The following DAP3 variants were observed in gnomAD, a reference collection of about 807,000 sequenced individuals.
DAP3 encodes the protein small ribosomal subunit protein mS29.
In DAP3, 28 loss-of-function variants were observed where a neutral mutation model predicts 51.9. The observed-to-expected ratio is 0.54, with a 90% CI of 0.40 to 0.74. The LOEUF (loss-of-function observed/expected upper bound fraction) is 0.74, where lower values mean the gene tolerates loss of function less well. DAP3 is among the 30% of genes least tolerant of loss of function. The pLI is 0.00. For synonymous variants in DAP3, 170 were observed against 170.3 expected, an observed-to-expected ratio of 1.00 and a Z score of 0.01; for missense variants, 458 against 483.5, an observed-to-expected ratio of 0.95 and a Z score of 0.49.
intron 4 of DAP3, among the ~76,000 whole-genome samples, chr1:155,722,332 A>C (rs776104883): frequency 6.6e-6 from 1 of 152,146 alleles, no homozygotes. Context: ...GCTTGAGCTC[A>C]GGAGGTGAGG....
At chr1:155,703,698 C>T (rs1449566572) in intron 1 of DAP3, among the ~76,000 whole-genome samples, 1 of 152,192 alleles carries the variant, frequency 6.6e-6, no homozygotes, top group East Asian at 1.9e-4. Flanking sequence ...CCACCACACC[C>T]AGCTAATTTT....
At chr1:155,721,688 TA>T in intron 4 of DAP3, 70 bp downstream of exon 4, 1 of 1,425,394 alleles carries the variant, frequency 7.0e-7, no homozygotes, top group Non-Finnish European at 9.8e-7. Context: ...GGGGTGGGGC[TA>T]AATGAGAAGA....
At chr1:155,691,302 A>C (rs2149100594) in intron 1 of DAP3, among the ~76,000 whole-genome samples, 1 of 141,968 alleles carries the variant, frequency 7.0e-6, no homozygotes, top group East Asian at 1.9e-4. Context: ...TCTCGCAACC[A>C]CTAAATCAGT....
intron 1 of DAP3, among the ~76,000 whole-genome samples, chr1:155,700,465 A>G (rs539131652): frequency 6.6e-6 from 1 of 152,332 alleles, no homozygotes; most frequent in South Asian, 2.1e-4. Context: ...ATAACACATG[A>G]TAATGAAGAT....
intron 6 of DAP3, chr1:155,726,742 A>G (rs1251632473): frequency 6.7e-6 from 1 of 149,766 alleles, no homozygotes; most frequent in Non-Finnish European, 1.5e-5. Flanking sequence ...CTGTGATCGC[A>G]CCACTACACT....
rs549055645 is a variant in DAP3 at position 155,738,022 on chromosome 1, A to G, written c.1112-135A>G. Reference sequence around the variant, plus strand: ...GTAGCTTGTTGGGGTGAGGGTCTAGAAGTAAGATCTCTTGGGAGATGATAA... The same window carrying G: ...GTAGCTTGTTGGGGTGAGGGTCTAGGAGTAAGATCTCTTGGGAGATGATAA... On this transcript the variant is annotated intron_variant, in intron 12 of 12. Transcript: ENST00000368336. 1.8e-5 allele frequency: 14 copies of G among 785,360 alleles called. No homozygotes were observed. In the Admixed American group the frequency reaches 2.4e-4, roughly 14 times the overall value. 48.6% of individuals were successfully genotyped at this position (785,360 alleles called of 1,614,324 possible).
At chr1:155,697,864 C>G (rs1654727334) in intron 1 of DAP3, among the ~76,000 whole-genome samples, 1 of 152,180 alleles carries the variant, frequency 6.6e-6, no homozygotes, top group Non-Finnish European at 1.5e-5. Flanking sequence ...CATCCCTTAT[C>G]TCCAACTGCA....
intron 6 of DAP3, chr1:155,727,359 C>T: frequency 7.7e-6 from 2 of 258,622 alleles, no homozygotes; most frequent in Admixed American, 1.0e-4. Flanking sequence ...TTCAACAGCA[C>T]TTTGAGAGGC....
intron 3 of DAP3, among the ~76,000 whole-genome samples, 167 bp from the exon 4 acceptor site, chr1:155,721,350 A>G (rs1370567355): frequency 1.3e-5 from 2 of 149,174 alleles, no homozygotes; most frequent in African/African-American, 2.5e-5. Flanking sequence ...ATATATATAT[A>G]TGTATGTGTA....
At chr1:155,710,229 CTT>C (rs537481688) in intron 2 of DAP3, 129 of 136,978 alleles carry the variant, frequency 9.4e-4, no homozygotes, top group Middle Eastern at 3.8e-3. Context: ...TTTTTCAGTA[CTT>C]TTTTTTTTTT....
chr1:155,692,731 T>C (rs1654001796), intron 1 of DAP3, among the ~76,000 whole-genome samples: 1 of 142,078 alleles, frequency 7.0e-6, no homozygotes, highest in Non-Finnish European at 1.5e-5. Context: ...TTCAGTAGCA[T>C]TGTATGAATG....
chr1:155,711,140 A>C (rs958809232), intron 2 of DAP3, among the ~76,000 whole-genome samples: 1 of 152,158 alleles, frequency 6.6e-6, no homozygotes, highest in African/African-American at 2.4e-5. Context: ...AAACGAAAGC[A>C]AGGATCAGCA....
In DAP3 at chr1:155,709,930, T is replaced by C. The variant is rs577450784; in HGVS notation, c.45+106T>C. 88 of 1,024,692 alleles carry C rather than the reference T, an allele frequency of 8.6e-5. No homozygotes were observed. In the Middle Eastern group the frequency reaches 2.2e-3, roughly 25 times the overall value. 63.5% of individuals were successfully genotyped at this position (1,024,692 alleles called of 1,614,324 possible). A position where few individuals can be genotyped will look rare whatever the true frequency, so the allele number is the denominator to read the frequency against. ...TCTAGAGTGAAATGCTCTGGAAAACTTCATATGTAACAGGTTTCAGTAGAA... is the reference window on the plus strand; with the variant it reads ...TCTAGAGTGAAATGCTCTGGAAAACCTCATATGTAACAGGTTTCAGTAGAA... On this transcript the variant is annotated intron_variant, in intron 2 of 12. Transcript: ENST00000368336.
intron 4 of DAP3, among the ~76,000 whole-genome samples, chr1:155,722,371 T>C (rs1381422768): frequency 6.6e-6 from 1 of 151,984 alleles, no homozygotes; most frequent in African/African-American, 2.4e-5. Flanking sequence ...TGCACCACTG[T>C]ACCCCAGCCT....
At chr1:155,699,256 C>T (rs368866614) in intron 1 of DAP3, among the ~76,000 whole-genome samples, 3 of 152,204 alleles carry the variant, frequency 2.0e-5, no homozygotes, top group Admixed American at 6.5e-5. Context: ...CTCCTTTGTG[C>T]TCAAGCAGCA....
intron 4 of DAP3, among the ~76,000 whole-genome samples, chr1:155,722,356 A>G (rs895850964): frequency 6.6e-6 from 1 of 152,108 alleles, no homozygotes; most frequent in African/African-American, 2.4e-5. Context: ...TCAGTGAGCC[A>G]TGATTGCACC....
At chr1:155,707,012 A>G (rs1288739808) in intron 1 of DAP3, among the ~76,000 whole-genome samples, 5 of 151,818 alleles carry the variant, frequency 3.3e-5, no homozygotes, top group Admixed American at 2.0e-4. Flanking sequence ...AATCGCTTTA[A>G]CCCGGGAGGT....
At chr1:155,695,546 T>C (rs1396124638) in intron 1 of DAP3, among the ~76,000 whole-genome samples, 1 of 152,214 alleles carries the variant, frequency 6.6e-6, no homozygotes, top group African/African-American at 2.4e-5. Context: ...TCCTGGAAGA[T>C]TGGTATGTGC....
At chr1:155,714,696 A>C (rs1657121314) in intron 2 of DAP3, among the ~76,000 whole-genome samples, 2 of 152,158 alleles carry the variant, frequency 1.3e-5, no homozygotes, top group African/African-American at 4.8e-5. Context: ...CAGAGGTTGT[A>C]GTGAGCTGAG....
Sources: gnomAD v4.1 joint callset for allele counts (sites outside exome capture counted in the v4.1 genomes callset) on GRCh38, gnomAD v4.1.1 for gene constraint, MANE v1.5 for transcripts, NCBI Gene and HGNC (gene_info 2026-07-23, HGNC 2026-07-21) for gene names.